ADK: variants seen among roughly 807,000 people sequenced by gnomAD.
The protein encoded by ADK is adenosine kinase.
In ADK, 24 loss-of-function variants were observed where a neutral mutation model predicts 44.7. The observed-to-expected ratio is 0.54, with a 90% CI of 0.39 to 0.76. The LOEUF (loss-of-function observed/expected upper bound fraction) is 0.76. Among genes scored for constraint, ADK ranks in the 30% least tolerant of loss-of-function variants. The probability of loss-of-function intolerance (pLI) is 0.00; values close to 1 mark genes in which losing one functional copy is unlikely to be tolerated. For synonymous variants in ADK, 128 were observed against 142.6 expected, an observed-to-expected ratio of 0.90 and a Z score of 0.73; for missense variants, 321 against 425.1, an observed-to-expected ratio of 0.76 and a Z score of 2.15.
At chr10:74,154,255 T>C (rs1841691240) in intron 1 of ADK, among the ~76,000 whole-genome samples, 1 of 152,010 alleles carries the variant, frequency 6.6e-6, no homozygotes, top group Non-Finnish European at 1.5e-5. Flanking sequence ...AGTTCTCAGA[T>C]CTTAATTTAA....
chr10:74,686,355 A>T (rs891083428), intron 10 of ADK, among the ~76,000 whole-genome samples: 1 of 152,084 alleles, frequency 6.6e-6, no homozygotes, highest in African/African-American at 2.4e-5. Flanking sequence ...AGCATTGTCA[A>T]TGTGATAGTA....
At chr10:74,632,476 T>A (rs1351841921) in intron 9 of ADK, among the ~76,000 whole-genome samples, 1 of 152,124 alleles carries the variant, frequency 6.6e-6, no homozygotes, top group Non-Finnish European at 1.5e-5. Context: ...CTCTAGGAAA[T>A]TGTTCCTTGT....
At chr10:74,215,664 TC>T (rs1591868257) in intron 2 of ADK, among the ~76,000 whole-genome samples, 1 of 107,296 alleles carries the variant, frequency 9.3e-6, no homozygotes, top group African/African-American at 3.2e-5. Flanking sequence ...GATAAATCAC[TC>T]TTTTTTTTTT....
In ADK at chr10:74,171,717, T is replaced by G. The variant is rs182324888; in HGVS notation, c.65+20374T>G. Among the ~76,000 whole-genome samples, 707 of 152,270 alleles carry G rather than the reference T, an allele frequency of 4.6e-3. 3 individuals are homozygous for G. Among genetic ancestry groups the G allele is most frequent in the Non-Finnish European group, 6.2e-3 (422 of 68,006 alleles). On this transcript the variant is annotated intron_variant, in intron 1 of 10. Coordinates refer to ENST00000539909, the MANE Select transcript of ADK (RefSeq NM_006721.4). ...TAGGCTTTTAGGAAAAAAATAGGGTTGAAATAAATTGTTTAGAAAATTGAT... is the reference window on the plus strand; with the variant it reads ...TAGGCTTTTAGGAAAAAAATAGGGTGGAAATAAATTGTTTAGAAAATTGAT...
intron 4 of ADK, among the ~76,000 whole-genome samples, chr10:74,346,547 A>G (rs897448434): frequency 6.6e-6 from 1 of 152,230 alleles, no homozygotes; most frequent in Non-Finnish European, 1.5e-5. Flanking sequence ...TAAATGCAAG[A>G]TTGAAAGGGT....
At chr10:74,517,389 C>A (rs1848628545) in intron 6 of ADK, among the ~76,000 whole-genome samples, 1 of 151,654 alleles carries the variant, frequency 6.6e-6, no homozygotes, top group Admixed American at 6.6e-5. Context: ...TATTTTAATC[C>A]TTAAACAGAT....
At chr10:74,707,934 C>G (rs1035985503) in intron 10 of ADK, among the ~76,000 whole-genome samples, 2 of 150,262 alleles carry the variant, frequency 1.3e-5, no homozygotes, top group African/African-American at 4.9e-5. Flanking sequence ...AGGCAGATCA[C>G]GAGGTCAGGA....
At chr10:74,686,793 C>T (rs61862569) in intron 10 of ADK, among the ~76,000 whole-genome samples, 8 of 152,126 alleles carry the variant, frequency 5.3e-5, no homozygotes, top group Non-Finnish European at 1.2e-4. Flanking sequence ...TACCCTGCCT[C>T]AGCCTCCCAA....
chr10:74,356,529 C>G (rs1391912024), intron 4 of ADK, among the ~76,000 whole-genome samples: 1 of 151,946 alleles, frequency 6.6e-6, no homozygotes, highest in Admixed American at 6.5e-5. Flanking sequence ...TTATAAAATA[C>G]CCATTTTATA....
At chr10:74,398,644 A>G in intron 6 of ADK, 65 bp downstream of exon 6, 1 of 858,106 alleles carries the variant, frequency 1.2e-6, no homozygotes, top group South Asian at 1.9e-5. Flanking sequence ...TTGTTGTCTG[A>G]TATATATTTT....
chr10:74,552,041 G>A (rs1218595259), intron 7 of ADK, among the ~76,000 whole-genome samples: 2 of 151,044 alleles, frequency 1.3e-5, no homozygotes, highest in Non-Finnish European at 2.9e-5. Flanking sequence ...TTTATTGTTG[G>A]ATTTTTTTCA....
At chr10:74,523,376 C>G (rs957918148) in intron 6 of ADK, among the ~76,000 whole-genome samples, 1 of 152,130 alleles carries the variant, frequency 6.6e-6, no homozygotes, top group African/African-American at 2.4e-5. Context: ...TTACTCATTC[C>G]TTTCTTTCTC....
At chr10:74,708,272 C>T (rs778046388) in intron 10 of ADK, 49 bp from the exon 11 acceptor site, 4 of 1,583,464 alleles carry the variant, frequency 2.5e-6, no homozygotes, top group African/African-American at 1.3e-5. Context: ...TATGACATTT[C>T]TGCTGCTGTT....
In ADK at chr10:74,528,202, T is replaced by C. The variant is rs1443854357; in HGVS notation, c.726+2776T>C. ...TTGAATATGTATCTTTGTGTACATATCTGCAAAAATGGATAAGTAAAAATC... is the reference window on the plus strand; with the variant it reads ...TTGAATATGTATCTTTGTGTACATACCTGCAAAAATGGATAAGTAAAAATC... On this transcript the variant is annotated intron_variant, in intron 7 of 10. Coordinates refer to ENST00000539909, the MANE Select transcript of ADK (RefSeq NM_006721.4). 3 of 554,892 alleles carry C rather than the reference T, an allele frequency of 5.4e-6. No homozygotes were observed. The Admixed American group carries it at 8.8e-5, about 16-fold the overall frequency. 34.4% of individuals were successfully genotyped at this position (554,892 alleles called of 1,614,324 possible). A position where few individuals can be genotyped will look rare whatever the true frequency, so the allele number is the denominator to read the frequency against.
chr10:74,209,599 A>G (rs1446636339), intron 2 of ADK, among the ~76,000 whole-genome samples: 2 of 152,152 alleles, frequency 1.3e-5, no homozygotes, highest in African/African-American at 4.8e-5. Flanking sequence ...CATTTGATAA[A>G]ATATTTTTCT....
intron 9 of ADK, among the ~76,000 whole-genome samples, chr10:74,623,321 C>A (rs1414221092): frequency 6.6e-6 from 1 of 152,142 alleles, no homozygotes; most frequent in African/African-American, 2.4e-5. Context: ...TACAGTATCC[C>A]TCAAAATTTA....
At chr10:74,296,125 C>T (rs1839805365) in intron 3 of ADK, among the ~76,000 whole-genome samples, 1 of 150,540 alleles carries the variant, frequency 6.6e-6, no homozygotes, top group Non-Finnish European at 1.5e-5. Context: ...CTTACCCTAA[C>T]CCTACAGTTG....
intron 6 of ADK, among the ~76,000 whole-genome samples, chr10:74,442,132 GA>G (rs964567894): frequency 8.1e-5 from 12 of 147,882 alleles, no homozygotes; most frequent in East Asian, 7.9e-4. Flanking sequence ...TTTAAAAAAA[GA>G]AAAAAAAAAT....
intron 8 of ADK, among the ~76,000 whole-genome samples, chr10:74,594,671 T>TA (rs10709030): frequency 0.011 from 1,450 of 131,416 alleles, 8 homozygotes; most frequent in African/African-American, 0.019. Flanking sequence ...TACAAATAGG[T>TA]AAAAAAAAAA....
Sources: allele counts gnomAD v4.1 joint callset (sites outside exome capture counted in the v4.1 genomes callset), GRCh38; gene constraint gnomAD v4.1.1; transcripts MANE v1.5; gene names NCBI Gene and HGNC (gene_info 2026-07-23, HGNC 2026-07-21).